Variants in CDH23 observed in about 807,000 individuals in gnomAD.
The protein encoded by CDH23 is cadherin related 23.
A neutral mutation model predicts 317.1 loss-of-function variants in CDH23; 189 were observed. That is an observed-to-expected ratio of 0.60 (90% confidence interval 0.53 to 0.67). CDH23 has a LOEUF of 0.67. Among genes scored for constraint, CDH23 ranks in the 30% least tolerant of loss-of-function variants. The pLI, the probability that CDH23 is intolerant of heterozygous loss-of-function variation, is 0.00. For synonymous variants in CDH23, 1,839 were observed against 1,876.8 expected, an observed-to-expected ratio of 0.98 and a Z score of 0.52; for missense variants, 4,401 against 4,592.4, an observed-to-expected ratio of 0.96 and a Z score of 1.20.
rs137983135 is a variant in CDH23 at position 71,533,199 on chromosome 10, G to A, written c.429+21987G>A. On this transcript the variant is annotated intron_variant, in intron 6 of 69. Transcript: ENST00000224721. The stretch of plus-strand genomic sequence containing the variant: ...TTGGAGAAGCGGCATGGTGAGCTCC[G>A]GAATCACAAGACCCCTTGATTCTCA... Among the ~76,000 whole-genome samples, 6 of 151,790 alleles carry A rather than the reference G, an allele frequency of 4.0e-5. No homozygotes were observed. In the East Asian group the frequency reaches 9.7e-4, roughly 24 times the overall value.
intron 9 of CDH23, among the ~76,000 whole-genome samples, chr10:71,605,255 A>ATT (rs1400207472): frequency 2.1e-4 from 32 of 151,750 alleles, no homozygotes; most frequent in African/African-American, 7.5e-4. Context: ...TTTTTTTTAA[A>ATT]AAAAAAAAGA....
chr10:71,622,873 C>T (rs1861535105), intron 11 of CDH23: 1 of 970,362 alleles, frequency 1.0e-6, no homozygotes, highest in Non-Finnish European at 1.2e-6. Context: ...GAGGCCTCAG[C>T]TGCCAGATTC....
chr10:71,731,588 C>A (rs2132823325), intron 31 of CDH23, among the ~76,000 whole-genome samples: 1 of 152,212 alleles, frequency 6.6e-6, no homozygotes, highest in East Asian at 1.9e-4. Context: ...TCGAAGGGAC[C>A]AAACCAAGGC....
intron 38 of CDH23, among the ~76,000 whole-genome samples, chr10:71,743,011 G>A (rs10999980): frequency 0.02 from 3,064 of 152,290 alleles, 203 homozygotes; most frequent in East Asian, 0.19. Flanking sequence ...AGGCTAGCCC[G>A]TGCCTGTTCT....
At chr10:71,690,629 G>T (rs376579614) in intron 20 of CDH23, 45 bp downstream of exon 20, 14 of 1,396,620 alleles carry the variant, frequency 1.0e-5, no homozygotes, top group Middle Eastern at 1.8e-4. Context: ...ACACCCTGAG[G>T]CTGACTGTCC....
At chr10:71,741,577 T>C in intron 37 of CDH23, 117 bp from the exon 38 acceptor site, 1 of 765,124 alleles carries the variant, frequency 1.3e-6, no homozygotes, top group South Asian at 1.7e-5. Flanking sequence ...TGCTCTGGGG[T>C]AGATGCAGCA....
chr10:71,658,691 G>A (rs1863519481), intron 14 of CDH23, among the ~76,000 whole-genome samples: 1 of 152,174 alleles, frequency 6.6e-6, no homozygotes. Context: ...TTGTGTAGAA[G>A]AAGCTGGGGC....
At chr10:71,622,992 G>A (rs1861540793) in intron 11 of CDH23, 1 of 982,404 alleles carries the variant, frequency 1.0e-6, no homozygotes, top group African/African-American at 1.7e-5. Flanking sequence ...CAGGTTGGGG[G>A]TTAGTTATTA....
intron 41 of CDH23, among the ~76,000 whole-genome samples, chr10:71,780,208 TGCCG>T (rs554898865): frequency 1.3e-5 from 2 of 152,240 alleles, no homozygotes; most frequent in South Asian, 4.1e-4. Context: ...ACCTCCAGTG[TGCCG>T]GCCATGTTCC....
intron 6 of CDH23, among the ~76,000 whole-genome samples, chr10:71,518,008 C>T (rs1404761958): frequency 6.6e-6 from 1 of 152,074 alleles, no homozygotes; most frequent in Admixed American, 6.5e-5. Context: ...AGTGGTGAAG[C>T]GACATATGCT....
At chr10:71,509,921 C>T in intron 3 of CDH23, 161 bp from the exon 4 acceptor site, 1 of 707,170 alleles carries the variant, frequency 1.4e-6, no homozygotes, top group Non-Finnish European at 2.4e-6. Context: ...GTACCTGGAT[C>T]AGAGCTCCCA....
At chr10:71,811,650 G>C in intron 64 of CDH23, 60 bp downstream of exon 64, 2 of 1,613,788 alleles carry the variant, frequency 1.2e-6, no homozygotes, top group East Asian at 4.5e-5. Context: ...ATGGCCACGA[G>C]GCAGGCAGGG....
intron 14 of CDH23, among the ~76,000 whole-genome samples, chr10:71,671,681 G>A (rs79365624): frequency 0.051 from 7,777 of 152,186 alleles, 269 homozygotes; most frequent in East Asian, 0.15. Context: ...GGTGGGCGGT[G>A]GAGCAGCCAC....
intron 38 of CDH23, chr10:71,760,767 G>C: frequency 8.9e-7 from 1 of 1,122,152 alleles, no homozygotes; most frequent in Non-Finnish European, 1.4e-6. Flanking sequence ...GGGTTCTGAG[G>C]GCTTGGGGTG....
At chr10:71,749,687 C>A (rs1839944019) in intron 38 of CDH23, 1 of 152,392 alleles carries the variant, frequency 6.6e-6, no homozygotes, top group African/African-American at 2.4e-5. Flanking sequence ...GTGGACCATT[C>A]CTTTGGGCCT....
At chr10:71,653,113 G>T (rs900254574) in intron 14 of CDH23, among the ~76,000 whole-genome samples, 1 of 151,824 alleles carries the variant, frequency 6.6e-6, no homozygotes, top group Non-Finnish European at 1.5e-5. Flanking sequence ...CCCCCTCCTA[G>T]AGCTAACTGG....
intron 28 of CDH23, chr10:71,716,292 G>T: frequency 1.3e-6 from 2 of 1,520,872 alleles, no homozygotes; most frequent in Non-Finnish European, 1.8e-6. Context: ...AAGGCGAGGG[G>T]GCTGATGGCT....
chr10:71,492,633 C>A (rs1352068697), intron 3 of CDH23, among the ~76,000 whole-genome samples: 3 of 152,138 alleles, frequency 2.0e-5, no homozygotes, highest in Admixed American at 6.5e-5. Context: ...TTCATTCATC[C>A]ATTCATCCAT....
intron 3 of CDH23, among the ~76,000 whole-genome samples, chr10:71,459,503 C>T (rs1299981951): frequency 1.3e-5 from 2 of 152,142 alleles, no homozygotes; most frequent in African/African-American, 4.8e-5. Flanking sequence ...AGAAGCAGCT[C>T]GGGGACAGGA....
Sources: allele counts gnomAD v4.1 joint callset (sites outside exome capture counted in the v4.1 genomes callset), GRCh38; gene constraint gnomAD v4.1.1; transcripts MANE v1.5; gene names NCBI Gene and HGNC (gene_info 2026-07-23, HGNC 2026-07-21).